The following ISY1 variants were observed in gnomAD, a reference collection of about 807,000 sequenced individuals.
The protein encoded by ISY1 is ISY1 spliceosome associated protein.
Under a neutral mutation model 54.4 loss-of-function variants are expected in ISY1, and 12 were observed. The observed-to-expected ratio is 0.22, with a 90% CI of 0.14 to 0.36. The LOEUF (loss-of-function observed/expected upper bound fraction) is 0.36. ISY1 is among the 10% of genes least tolerant of loss of function. The pLI is 1.00. For synonymous variants in ISY1, 96 were observed against 117.9 expected (o/e 0.81, Z 1.20); for missense variants, 282 against 342.2 (o/e 0.82, Z 1.39).
intron 5 of ISY1, among the ~76,000 whole-genome samples, chr3:129,149,613 ATATATAT>A (rs1560020426): frequency 1.2e-3 from 66 of 56,936 alleles, no homozygotes; most frequent in African/African-American, 4.1e-3. Context: ...AAAAAAAAAT[ATATATAT>A]ATATATATAT....
intron 8 of ISY1, 48 bp downstream of exon 8, chr3:129,134,784 C>A: frequency 6.4e-7 from 1 of 1,560,180 alleles, no homozygotes; most frequent in South Asian, 1.1e-5. Context: ...AAGGACACAA[C>A]AGAAAACAGA....
chr3:129,132,565 T>C (rs1936266496), intron 9 of ISY1, among the ~76,000 whole-genome samples: 1 of 152,188 alleles, frequency 6.6e-6, no homozygotes. Context: ...TGGATCATCC[T>C]AATCTCAGCT....
intron 5 of ISY1, among the ~76,000 whole-genome samples, chr3:129,150,555 C>CA (rs1035490403): frequency 1.3e-5 from 2 of 151,718 alleles, no homozygotes; most frequent in African/African-American, 2.4e-5. Flanking sequence ...ACTAAAAATA[C>CA]AAAAAAAATT....
intron 9 of ISY1, chr3:129,130,842 G>T: frequency 2.2e-6 from 1 of 447,970 alleles, no homozygotes; most frequent in Non-Finnish European, 3.8e-6. Flanking sequence ...GTCTAAGGAG[G>T]AAATAAGAAT....
chr3:129,159,855 A>G (rs1324235632), intron 1 of ISY1, among the ~76,000 whole-genome samples: 1 of 152,192 alleles, frequency 6.6e-6, no homozygotes, highest in Non-Finnish European at 1.5e-5. Context: ...TCTTCATGAG[A>G]CAAATACACC....
At position 129,129,965 on chromosome 3, in the gene ISY1, G is replaced by A; in HGVS notation, c.*116C>T. The stretch of plus-strand genomic sequence containing the variant: ...CCGGTCAACATGAGACAAGGAGAGG[G>A]AAGGAAGGCTGAGAATGGGGCAGGA... On this transcript the variant is annotated 3_prime_UTR_variant, in exon 11 of 11. Coordinates refer to ENST00000393295, the MANE Select transcript of ISY1 (RefSeq NM_020701.4). The A allele has an allele frequency of 1.3e-6, 1 of 746,994 alleles. No homozygotes were observed. Among genetic ancestry groups the A allele is most frequent in the Non-Finnish European group, 2.1e-6 (1 of 467,364 alleles). The allele number at this position is 746,994 out of a possible 1,614,324, so 46.3% of individuals were successfully genotyped here. A position where few individuals can be genotyped will look rare whatever the true frequency, so the allele number is the denominator to read the frequency against.
intron 7 of ISY1, among the ~76,000 whole-genome samples, chr3:129,139,081 C>T (rs1936526380): frequency 6.6e-6 from 1 of 151,592 alleles, no homozygotes; most frequent in Middle Eastern, 3.2e-3. Flanking sequence ...ATTACAGGTG[C>T]CTGCCATATG....
In ISY1 at chr3:129,145,793, G is replaced by C; in HGVS notation, c.268C>G (p.Arg90Gly). ...LLREKGHWEV[R>G]IKELGGPDYG... The stretch of plus-strand genomic sequence containing the variant: ...TCAGGACCTCCCAGCTCCTTTATCC[G>C]GACCTCCCAGTGTCCTTTCTCCCTT... The change falls in exon 6 of 11, where the codon CGG (arginine) becomes GGG (glycine). Residue 90 changes from arginine (R) to glycine (G), a missense_variant. By Grantham distance (125) the Arg-to-Gly change is moderately radical (BLOSUM62 -2). This residue lies in a region of ISY1 where 279 missense variants were observed against 323.6 expected (regional missense o/e 0.86). Coordinates refer to ENST00000393295, the MANE Select transcript of ISY1 (RefSeq NM_020701.4). 6.2e-7 allele frequency: 1 copy of C among 1,614,102 alleles called. No individual in the cohort carries two copies. Among genetic ancestry groups the C allele is most frequent in the South Asian group, 1.1e-5 (1 of 91,082 alleles).
chr3:129,130,600 C>G lies in ISY1; in HGVS notation c.700G>C (p.Asp234His). The G allele has an allele frequency of 6.2e-7, 1 of 1,614,138 alleles. No individual in the cohort carries two copies. The highest frequency in any genetic ancestry group is 8.5e-7 in the Non-Finnish European group (1 of 1,180,024). Residue 234 changes from aspartate to histidine, a missense_variant, in exon 10 of 11, where the codon GAC (aspartate) becomes CAC (histidine). Asp to His is a moderately conservative substitution (Grantham distance 81). Transcript: ENST00000393295. Reference protein sequence around the residue: ...EEGSQEKGGDDSQQKFIAHVP... With the variant: ...EEGSQEKGGDHSQQKFIAHVP... The stretch of plus-strand genomic sequence containing the variant: ...TGAGCAATGAACTTCTGCTGGCTGT[C>G]GTCCCCTCCTTTCTCCTGGCTGCCT...
At chr3:129,153,378 T>C (rs1347192480) in intron 5 of ISY1, among the ~76,000 whole-genome samples, 2 of 152,170 alleles carry the variant, frequency 1.3e-5, no homozygotes, top group African/African-American at 4.8e-5. Context: ...CTCTAAACAG[T>C]AGAATTATTG....
chr3:129,148,131 T>C (rs1419827657), intron 5 of ISY1, among the ~76,000 whole-genome samples: 2 of 152,120 alleles, frequency 1.3e-5, no homozygotes, highest in East Asian at 3.9e-4. Context: ...GCCTAGCCTA[T>C]ATGTTTGTTT....
At chr3:129,157,622 G>C (rs1303056264) in intron 3 of ISY1, among the ~76,000 whole-genome samples, 1 of 150,948 alleles carries the variant, frequency 6.6e-6, no homozygotes, top group Non-Finnish European at 1.5e-5. Flanking sequence ...TCAGGAGGCT[G>C]AGGCAGGGGA....
intron 5 of ISY1, among the ~76,000 whole-genome samples, chr3:129,147,392 A>T (rs1390054382): frequency 1.3e-5 from 2 of 151,922 alleles, no homozygotes; most frequent in Admixed American, 6.6e-5. Context: ...ATAAAAAAAT[A>T]AAAAAAATAC....
chr3:129,128,754 CA>C lies in ISY1; in HGVS notation c.*1326del, dbSNP rs1451039706. 6.5e-6 allele frequency: 1 copy of C among 152,906 alleles called. No homozygotes were observed. Among genetic ancestry groups the C allele is most frequent in the Non-Finnish European group, 1.5e-5 (1 of 68,650 alleles). The allele number at this position is 152,906 out of a possible 1,614,324, so 9.5% of individuals were successfully genotyped here. ...TCCCAAACAGCCTGAGCTGGAGCCC[CA>C]GGCCCCAGGAACAGCCATCTGGCCC... On this transcript the variant is annotated 3_prime_UTR_variant, in exon 11 of 11. Coordinates refer to ENST00000393295, the MANE Select transcript of ISY1 (RefSeq NM_020701.4).
At chr3:129,154,790 G>A (rs960100103) in intron 5 of ISY1, among the ~76,000 whole-genome samples, 8 of 150,548 alleles carry the variant, frequency 5.3e-5, no homozygotes, top group Admixed American at 4.0e-4. Context: ...TTGGGTTCAT[G>A]CCATTCTCCT....
chr3:129,145,962 G>C (rs1329035942), intron 5 of ISY1, 89 bp from the exon 6 acceptor site: 1 of 1,267,410 alleles, frequency 7.9e-7, no homozygotes, highest in South Asian at 1.4e-5. Context: ...TCCTTAAAAT[G>C]AATGTCAACA....
At chr3:129,155,112 CTTCTT>C (rs751783432) in intron 5 of ISY1, among the ~76,000 whole-genome samples, 2 of 151,608 alleles carry the variant, frequency 1.3e-5, no homozygotes, top group Admixed American at 6.6e-5. Flanking sequence ...TTAATTTGCT[CTTCTT>C]TTCTAATTTC....
At chr3:129,150,354 G>A (rs1936928560) in intron 5 of ISY1, among the ~76,000 whole-genome samples, 2 of 152,196 alleles carry the variant, frequency 1.3e-5, no homozygotes, top group Non-Finnish European at 2.9e-5. Context: ...GGTCTTCTTT[G>A]GTTTCTTTAG....
At chr3:129,144,148 G>C (rs988421992) in intron 6 of ISY1, 1 of 444,098 alleles carries the variant, frequency 2.3e-6, no homozygotes, top group South Asian at 1.6e-5. Context: ...CCACACAACT[G>C]CTGAAGAGAT....
Sources: allele counts gnomAD v4.1 joint callset (sites outside exome capture counted in the v4.1 genomes callset), GRCh38; gene constraint gnomAD v4.1.1; regional missense constraint gnomAD v4.1.1; transcripts MANE v1.5; gene names NCBI Gene and HGNC (gene_info 2026-07-23, HGNC 2026-07-21).